Variants in EYA1 observed in about 807,000 individuals in gnomAD.
EYA1 encodes the protein protein phosphatase EYA1.
A neutral mutation model predicts 82.0 loss-of-function variants in EYA1; 16 were observed. The ratio of observed to expected loss-of-function variants is 0.20; its 90% CI spans 0.13 to 0.30. EYA1 has a LOEUF of 0.30. Ranked by LOEUF, EYA1 falls within the 10% of genes least tolerant of loss-of-function variation. The pLI, the probability that EYA1 is intolerant of heterozygous loss-of-function variation, is 1.00. For missense variants in EYA1, 633 were observed against 730.7 expected, an observed-to-expected ratio of 0.87 and a Z score of 1.54; for synonymous variants, 261 against 264.4, an observed-to-expected ratio of 0.99 and a Z score of 0.12.
chr8:71,204,957 C>G (rs920156745), intron 17 of EYA1, among the ~76,000 whole-genome samples: 5 of 152,118 alleles, frequency 3.3e-5, no homozygotes, highest in African/African-American at 1.2e-4. Flanking sequence ...TATGACTTTA[C>G]AAAAATAACA....
intron 9 of EYA1, among the ~76,000 whole-genome samples, chr8:71,286,808 T>G (rs1435523300): frequency 6.7e-6 from 1 of 149,528 alleles, no homozygotes; most frequent in Non-Finnish European, 1.5e-5. Flanking sequence ...TTTTTTTTTT[T>G]TTTTTTTTTT....
chr8:71,255,075 A>T (rs767728368), intron 11 of EYA1, among the ~76,000 whole-genome samples: 6 of 152,172 alleles, frequency 3.9e-5, no homozygotes, highest in Non-Finnish European at 5.9e-5. Flanking sequence ...GAAAAATTTT[A>T]AAAAATTATT....
At chr8:71,396,532 C>A (rs541446984) in intron 2 of EYA1, among the ~76,000 whole-genome samples, 1 of 152,142 alleles carries the variant, frequency 6.6e-6, no homozygotes, top group Non-Finnish European at 1.5e-5. Flanking sequence ...TTTATTTCTG[C>A]CTTCATTTCG....
intron 3 of EYA1, among the ~76,000 whole-genome samples, chr8:71,348,048 T>C (rs996180671): frequency 6.6e-6 from 1 of 152,208 alleles, no homozygotes; most frequent in Non-Finnish European, 1.5e-5. Context: ...GTATAGGCAA[T>C]ATTTGACAGT....
intron 2 of EYA1, chr8:71,403,818 A>C (rs1323744224): frequency 6.6e-6 from 1 of 152,210 alleles, no homozygotes; most frequent in African/African-American, 2.4e-5. Context: ...TGTTTGGAAA[A>C]GGAGGGAGAA....
At chr8:71,448,109 C>T (rs552591694) in intron 2 of EYA1, among the ~76,000 whole-genome samples, 47 of 150,560 alleles carry the variant, frequency 3.1e-4, no homozygotes, top group African/African-American at 5.6e-4. Flanking sequence ...AACTATTCTC[C>T]GCCTCAGCCT....
At chr8:71,217,052 A>C in intron 12 of EYA1, 29 bp from the exon 13 acceptor site, 3 of 1,563,354 alleles carry the variant, frequency 1.9e-6, no homozygotes, top group Non-Finnish European at 2.6e-6. Context: ...GATACATGTC[A>C]ATTTTTTAAG....
At chr8:71,408,213 C>G (rs1830381208) in intron 2 of EYA1, among the ~76,000 whole-genome samples, 1 of 151,820 alleles carries the variant, frequency 6.6e-6, no homozygotes, top group Non-Finnish European at 1.5e-5. Flanking sequence ...AAAAGAGCTC[C>G]TGAAGGAAGC....
intron 9 of EYA1, among the ~76,000 whole-genome samples, chr8:71,290,479 T>C (rs1470475219): frequency 2.0e-5 from 3 of 152,152 alleles, no homozygotes; most frequent in Non-Finnish European, 4.4e-5. Flanking sequence ...CTCAATAATA[T>C]ATGCATTATT....
intron 2 of EYA1, among the ~76,000 whole-genome samples, chr8:71,368,929 C>T (rs1227185464): frequency 6.6e-6 from 1 of 151,146 alleles, no homozygotes; most frequent in African/African-American, 2.4e-5. Context: ...TGGCTCACCC[C>T]TGTAATCCCA....
At chr8:71,436,253 A>C (rs1806000306) in intron 2 of EYA1, among the ~76,000 whole-genome samples, 1 of 152,146 alleles carries the variant, frequency 6.6e-6, no homozygotes, top group African/African-American at 2.4e-5. Flanking sequence ...TACACAATGC[A>C]AGATTCACTT....
At chr8:71,363,665 A>G (rs915715512), upstream of EYA1, among the ~76,000 whole-genome samples, 1 of 152,190 alleles carries the variant, frequency 6.6e-6, no homozygotes, top group Non-Finnish European at 1.5e-5. Flanking sequence ...AAAATAAAAT[A>G]CAGCTTGTAA....
chr8:71,477,642 A>G (rs1355417084), intron 2 of EYA1, among the ~76,000 whole-genome samples: 8 of 152,076 alleles, frequency 5.3e-5, no homozygotes, highest in Admixed American at 5.2e-4. Flanking sequence ...CAATGGTGCA[A>G]ACACTGTGGT....
At chr8:71,515,068 T>C (rs1261829195) in intron 2 of EYA1, among the ~76,000 whole-genome samples, 1 of 152,008 alleles carries the variant, frequency 6.6e-6, no homozygotes. Flanking sequence ...GTTGAAAAGG[T>C]AAGACAATGA....
chr8:71,389,693 G>A (rs1829162679), intron 2 of EYA1, among the ~76,000 whole-genome samples: 1 of 152,176 alleles, frequency 6.6e-6, no homozygotes, highest in South Asian at 2.1e-4. Flanking sequence ...ACTGGTGACA[G>A]ATACATGTTA....
chr8:71,471,786 A>G (rs1809230892), intron 2 of EYA1, among the ~76,000 whole-genome samples: 1 of 152,132 alleles, frequency 6.6e-6, no homozygotes, highest in South Asian at 2.1e-4. Flanking sequence ...ATCATATAAT[A>G]CAAATTAAGT....
At chr8:71,506,047 T>C (rs1321802370) in intron 2 of EYA1, among the ~76,000 whole-genome samples, 1 of 152,202 alleles carries the variant, frequency 6.6e-6, no homozygotes, top group Non-Finnish European at 1.5e-5. Context: ...TGATTGTAAG[T>C]TTCCTGAGGT....
chr8:71,374,995 A>G (rs1199768329), intron 2 of EYA1, among the ~76,000 whole-genome samples: 1 of 152,130 alleles, frequency 6.6e-6, no homozygotes, highest in African/African-American at 2.4e-5. Flanking sequence ...AAGGGAGGGG[A>G]GGAAACAGGG....
At chr8:71,240,540 T>C (rs1218939628) in intron 12 of EYA1, among the ~76,000 whole-genome samples, 1 of 151,756 alleles carries the variant, frequency 6.6e-6, no homozygotes, top group African/African-American at 2.4e-5. Context: ...GAGAGGAGGG[T>C]TCCCACTCTT....
Sources: gnomAD v4.1 joint callset for allele counts (sites outside exome capture counted in the v4.1 genomes callset) on GRCh38, gnomAD v4.1.1 for gene constraint, MANE v1.5 for transcripts, NCBI Gene and HGNC (gene_info 2026-07-23, HGNC 2026-07-21) for gene names.